DGKD: variants seen among roughly 807,000 people sequenced by gnomAD.
The protein encoded by DGKD is DAG kinase delta.
In DGKD, 68 loss-of-function variants were observed where a neutral mutation model predicts 154.4. The observed-to-expected ratio is 0.44, with a 90% CI of 0.36 to 0.54. The LOEUF is 0.54. Ranked by LOEUF, DGKD falls within the 20% of genes least tolerant of loss-of-function variation. The pLI, the probability that DGKD is intolerant of heterozygous loss-of-function variation, is 0.00. For missense variants in DGKD, 1,343 were observed against 1,593.6 expected (o/e 0.84, Z 2.68); for synonymous variants, 693 against 638.0 (o/e 1.09, Z -1.30).
At chr2:233,377,665 T>G (rs550722465) in intron 1 of DGKD, among the ~76,000 whole-genome samples, 1 of 152,294 alleles carries the variant, frequency 6.6e-6, no homozygotes, top group Admixed American at 6.5e-5. Context: ...AGGAGTGGGC[T>G]TGCTAGATCA....
intron 13 of DGKD, 30 bp downstream of exon 13, chr2:233,448,211 T>C: frequency 1.9e-6 from 3 of 1,613,564 alleles, no homozygotes; most frequent in Non-Finnish European, 2.5e-6. Flanking sequence ...GGGGAGGGCA[T>C]GGTGCCCTGG....
intron 1 of DGKD, among the ~76,000 whole-genome samples, chr2:233,379,571 G>A (rs575035250): frequency 2.6e-5 from 4 of 152,262 alleles, no homozygotes; most frequent in South Asian, 2.1e-4. Context: ...TCACTGGTGG[G>A]GTGGGGCCAG....
chr2:233,385,695 A>T (rs1703133963), intron 1 of DGKD, among the ~76,000 whole-genome samples: 1 of 152,124 alleles, frequency 6.6e-6, no homozygotes, highest in Non-Finnish European at 1.5e-5. Flanking sequence ...CACGTGCAAA[A>T]TACAGCACAT....
chr2:233,436,184 C>T, intron 6 of DGKD, 132 bp from the exon 7 acceptor site: 1 of 1,457,192 alleles, frequency 6.9e-7, no homozygotes, highest in Admixed American at 1.8e-5. Context: ...CCATCCCTTC[C>T]CTCACTGGCC....
chr2:233,420,570 C>T (rs2062082388), intron 3 of DGKD, among the ~76,000 whole-genome samples: 2 of 152,196 alleles, frequency 1.3e-5, no homozygotes, highest in African/African-American at 4.8e-5. Context: ...CAGTATATAG[C>T]ATTGTTGAAC....
Position 233,438,207 on chromosome 2 carries a change from T to A in DGKD, c.923-10T>A. On this transcript the variant is annotated splice_polypyrimidine_tract_variant and intron_variant, in intron 8 of 29. Coordinates refer to ENST00000264057, the MANE Select transcript of DGKD (RefSeq NM_152879.3). This position sits in a 1 kb window ranked among gnomAD's most constrained non-coding sequence, Gnocchi z 4.1. ...CCTATATATTTTCTTCTGTTCGTTC[T>A]TGCGTCCAGGGTTCTGGAAGGCCAG... 1 of 1,613,186 alleles carries A rather than the reference T, an allele frequency of 6.2e-7. No homozygotes were observed. The highest frequency in any genetic ancestry group is 1.1e-5 in the South Asian group (1 of 90,992).
chr2:233,386,519 C>T (rs1474004871), intron 1 of DGKD, among the ~76,000 whole-genome samples: 4 of 119,224 alleles, frequency 3.4e-5, no homozygotes, highest in African/African-American at 1.3e-4. Flanking sequence ...CAGATGCTAA[C>T]TGTATGCTGG....
intron 3 of DGKD, chr2:233,429,172 A>G (rs2062420921): frequency 3.0e-6 from 3 of 985,226 alleles, no homozygotes; most frequent in East Asian, 1.1e-4. Context: ...TTCTGGAGCA[A>G]AGTTGGCACT....
In DGKD at chr2:233,354,669, CAGA is replaced by C; in HGVS notation, c.154_156del (p.Lys52del). ...GGTGTCCACGTCGGGTCAGATCCGA[CAGA>C]AGGTGAGCCCGCGGCGCGGCGGCCC... On this transcript the variant is annotated inframe_deletion and splice_region_variant, in exon 1 of 30. Coordinates refer to ENST00000264057, the MANE Select transcript of DGKD (RefSeq NM_152879.3). This position sits in a 1 kb window ranked among gnomAD's most constrained non-coding sequence, Gnocchi z 4.8. The C allele has an allele frequency of 9.7e-7, 1 of 1,026,504 alleles. No individual in the cohort carries two copies. Among genetic ancestry groups the C allele is most frequent in the Non-Finnish European group, 1.2e-6 (1 of 853,328 alleles). The allele number at this position is 1,026,504 out of a possible 1,614,324, so 63.6% of individuals were successfully genotyped here.
At chr2:233,373,903 A>G (rs916063512) in intron 1 of DGKD, among the ~76,000 whole-genome samples, 3 of 152,228 alleles carry the variant, frequency 2.0e-5, no homozygotes, top group African/African-American at 7.2e-5. Context: ...AATAACATAT[A>G]GAATAATAAT....
In DGKD at chr2:233,458,242, G is replaced by T; in HGVS notation, c.2581-42G>T. The T allele has an allele frequency of 7.2e-7, 1 of 1,386,022 alleles. No homozygotes were observed. The allele number at this position is 1,386,022 out of a possible 1,614,324, so 85.9% of individuals were successfully genotyped here. A position where few individuals can be genotyped will look rare whatever the true frequency, so the allele number is the denominator to read the frequency against. On this transcript the variant is annotated intron_variant, in intron 21 of 29. Coordinates refer to ENST00000264057, the MANE Select transcript of DGKD (RefSeq NM_152879.3). This position sits in a 1 kb window ranked among gnomAD's most constrained non-coding sequence, Gnocchi z 6.6. ...GAGGGTAGGGGCGGCCTGTGCTCGG[G>T]GATGTGTGGAGTGGTGGTCAGCTCT...
intron 24 of DGKD, among the ~76,000 whole-genome samples, chr2:233,461,894 G>C (rs928968111): frequency 6.6e-6 from 1 of 152,222 alleles, no homozygotes; most frequent in Admixed American, 6.5e-5. Flanking sequence ...TGCTATCTGG[G>C]GTCTGGCTCA....
At chr2:233,393,720 G>T (rs1161539827) in intron 3 of DGKD, among the ~76,000 whole-genome samples, 1 of 138,130 alleles carries the variant, frequency 7.2e-6, no homozygotes, top group African/African-American at 2.8e-5. Context: ...GTCTTGCTCC[G>T]TTGCCCAGGG....
At chr2:233,461,242 G>A (rs551774177) in intron 24 of DGKD, among the ~76,000 whole-genome samples, 3 of 152,362 alleles carry the variant, frequency 2.0e-5, no homozygotes, top group East Asian at 3.9e-4. Flanking sequence ...GTGGCCGCAC[G>A]CTGGCTGGTG....
intron 1 of DGKD, among the ~76,000 whole-genome samples, chr2:233,385,156 C>T (rs1703105453): frequency 6.6e-6 from 1 of 152,134 alleles, no homozygotes; most frequent in Non-Finnish European, 1.5e-5. Context: ...GGTTTGAAGC[C>T]CTTTTCAAGG....
chr2:233,382,525 C>T (rs774182855), intron 1 of DGKD, among the ~76,000 whole-genome samples: 22 of 152,034 alleles, frequency 1.4e-4, no homozygotes, highest in Non-Finnish European at 2.8e-4. Flanking sequence ...CCCCAGTTTC[C>T]CAGCTGTCTG....
chr2:233,434,457 G>A lies in DGKD; in HGVS notation c.426G>A (p.Lys142=), dbSNP rs1412934839. ...KEMEDWIAAL[K]TVQNREHFEP... Reference sequence around the variant, plus strand: ...TGGAAGATTGGATTGCAGCATTAAAGACTGTGCAGAACAGGGAGCACTTTG... The same window carrying A: ...TGGAAGATTGGATTGCAGCATTAAAAACTGTGCAGAACAGGGAGCACTTTG... The change falls in exon 4 of 30, where the codon AAG becomes AAA. Residue 142 remains lysine, a synonymous_variant. Transcript: ENST00000264057. 1 of 1,614,150 alleles carries A rather than the reference G, an allele frequency of 6.2e-7. No homozygotes were observed. The highest frequency in any genetic ancestry group is 8.5e-7 in the Non-Finnish European group (1 of 1,180,002).
chr2:233,468,644 C>G, intron 29 of DGKD, 91 bp downstream of exon 29: 5 of 1,564,014 alleles, frequency 3.2e-6, no homozygotes, highest in East Asian at 2.3e-5. Context: ...GGCCATGTCC[C>G]AGCATCACGA....
intron 1 of DGKD, among the ~76,000 whole-genome samples, chr2:233,365,857 G>A (rs928959768): frequency 6.6e-6 from 1 of 152,072 alleles, no homozygotes; most frequent in Non-Finnish European, 1.5e-5. Context: ...TATAAAATGG[G>A]GTACAGCTGA....
Sources: allele counts gnomAD v4.1 joint callset (sites outside exome capture counted in the v4.1 genomes callset), GRCh38; gene constraint gnomAD v4.1.1; non-coding constraint Gnocchi (gnomAD v3.1); transcripts MANE v1.5; gene names NCBI Gene and HGNC (gene_info 2026-07-23, HGNC 2026-07-21).